RETREG1: variants seen among roughly 807,000 people sequenced by gnomAD.
RETREG1 encodes the protein reticulophagy regulator 1.
RETREG1 carries 44 observed loss-of-function variants against 54.8 expected under a neutral mutation model. That is an observed-to-expected ratio of 0.80 (90% CI 0.63 to 1.03). The LOEUF (loss-of-function observed/expected upper bound fraction) is 1.03. Ranked by LOEUF, RETREG1 falls within the 50% of genes least tolerant of loss-of-function variation. The pLI, the probability that RETREG1 is intolerant of heterozygous loss-of-function variation, is 0.00. For missense variants in RETREG1, 554 were observed against 605.1 expected, an observed-to-expected ratio of 0.92 and a Z score of 0.89; for synonymous variants, 217 against 238.5, an observed-to-expected ratio of 0.91 and a Z score of 0.83.
intron 1 of RETREG1, among the ~76,000 whole-genome samples, chr5:16,583,428 C>T (rs958203149): frequency 1.3e-5 from 2 of 151,982 alleles, no homozygotes; most frequent in African/African-American, 4.8e-5. Flanking sequence ...TGGAGCTGGA[C>T]GTTGCAGTGA....
intron 3 of RETREG1, among the ~76,000 whole-genome samples, chr5:16,542,879 C>T (rs914767868): frequency 5.3e-5 from 8 of 152,172 alleles, no homozygotes; most frequent in African/African-American, 1.4e-4. Flanking sequence ...TAAGTTTTAA[C>T]GTTTGATAAC....
chr5:16,535,697 C>T, intron 3 of RETREG1, among the ~76,000 whole-genome samples: 4 of 118,742 alleles, frequency 3.4e-5, no homozygotes, highest in African/African-American at 1.5e-4. Context: ...GTGCACGCTG[C>T]CTTCACAAAG....
intron 2 of RETREG1, among the ~76,000 whole-genome samples, chr5:16,568,860 C>T (rs1371958451): frequency 1.3e-5 from 2 of 152,102 alleles, no homozygotes; most frequent in Non-Finnish European, 2.9e-5. Context: ...GGGAAGGATA[C>T]AATTAAACTC....
intron 3 of RETREG1, among the ~76,000 whole-genome samples, chr5:16,557,501 C>CT (rs1362098662): frequency 1.3e-5 from 2 of 152,184 alleles, no homozygotes; most frequent in South Asian, 4.1e-4. Flanking sequence ...CTTGGAGAAA[C>CT]TTTCAGACCA....
At chr5:16,612,898 C>G (rs1275317571) in intron 1 of RETREG1, among the ~76,000 whole-genome samples, 1 of 152,078 alleles carries the variant, frequency 6.6e-6, no homozygotes, top group Non-Finnish European at 1.5e-5. Context: ...CTGTTCAGTT[C>G]CTGCACCATT....
intron 2 of RETREG1, among the ~76,000 whole-genome samples, chr5:16,569,003 T>A (rs1742099379): frequency 6.6e-6 from 1 of 152,142 alleles, no homozygotes; most frequent in African/African-American, 2.4e-5. Context: ...CCGGGGCATC[T>A]AACAAGAGCA....
chr5:16,613,911 G>GA lies in RETREG1; in HGVS notation c.320+2740dup, dbSNP rs201821682. Reference sequence around the variant, plus strand: ...AACCCCCAGAGCAACAAATAAAAGGGAAAAAAAAACAAAATTTTAATGACA... The same window carrying GA: ...AACCCCCAGAGCAACAAATAAAAGGGAAAAAAAAAACAAAATTTTAATGACA... On this transcript the variant is annotated intron_variant, in intron 1 of 8. Transcript: ENST00000306320. Among the ~76,000 whole-genome samples, 1,085 of 146,466 alleles carry GA rather than the reference G, an allele frequency of 7.4e-3. 10 individuals carry two copies. Among genetic ancestry groups the GA allele is most frequent in the Middle Eastern group, 0.021 (6 of 280 alleles).
chr5:16,599,133 G>A (rs545756016), intron 1 of RETREG1, among the ~76,000 whole-genome samples: 15 of 152,280 alleles, frequency 9.9e-5, no homozygotes, highest in South Asian at 4.1e-4. Context: ...GCTTGAGCCC[G>A]GAAGTGGAGG....
At chr5:16,589,020 C>T (rs900394666) in intron 1 of RETREG1, among the ~76,000 whole-genome samples, 34 of 152,300 alleles carry the variant, frequency 2.2e-4, no homozygotes, top group African/African-American at 6.3e-4. Flanking sequence ...CGGGTCACTC[C>T]GTGCATGCAC....
intron 3 of RETREG1, among the ~76,000 whole-genome samples, chr5:16,515,304 A>T (rs1416913751): frequency 2.0e-5 from 3 of 152,164 alleles, no homozygotes; most frequent in Non-Finnish European, 4.4e-5. Context: ...CCTTTCTGAA[A>T]CTTGCTCCTC....
intron 3 of RETREG1, among the ~76,000 whole-genome samples, chr5:16,527,385 CT>C (rs1456381527): frequency 6.6e-6 from 1 of 152,200 alleles, no homozygotes; most frequent in Non-Finnish European, 1.5e-5. Context: ...TTTTCCTTCA[CT>C]TTACCTAAAG....
At chr5:16,499,599 G>A (rs1488043909) in intron 3 of RETREG1, among the ~76,000 whole-genome samples, 1 of 152,242 alleles carries the variant, frequency 6.6e-6, no homozygotes, top group East Asian at 1.9e-4. Flanking sequence ...CTTCGAGTCA[G>A]AGTAATATTT....
chr5:16,552,757 A>G (rs1741579281), intron 3 of RETREG1, among the ~76,000 whole-genome samples: 1 of 152,220 alleles, frequency 6.6e-6, no homozygotes, highest in Non-Finnish European at 1.5e-5. Flanking sequence ...CAGGTATAGA[A>G]GTCACCTTTC....
chr5:16,520,817 G>A (rs1232284044), intron 3 of RETREG1, among the ~76,000 whole-genome samples: 1 of 152,162 alleles, frequency 6.6e-6, no homozygotes, highest in African/African-American at 2.4e-5. Flanking sequence ...GCCCCTCACT[G>A]GTGGCTTCAC....
At chr5:16,592,300 A>AAGCTCAGTATT (rs1393683662) in intron 1 of RETREG1, among the ~76,000 whole-genome samples, 1 of 152,254 alleles carries the variant, frequency 6.6e-6, no homozygotes, top group African/African-American at 2.4e-5. Context: ...GTATGAAAAA[A>AAGCTCAGTATT]AGCTCAGTAT....
chr5:16,521,772 C>T (rs1740540979), intron 3 of RETREG1, among the ~76,000 whole-genome samples: 1 of 152,230 alleles, frequency 6.6e-6, no homozygotes, highest in Non-Finnish European at 1.5e-5. Flanking sequence ...TTGCACTCTG[C>T]TGATGTCAGG....
At chr5:16,526,514 TAGTCAGGAGTGAAACTGGCATATTCCAGA>T (rs1740720843) in intron 3 of RETREG1, among the ~76,000 whole-genome samples, 1 of 152,120 alleles carries the variant, frequency 6.6e-6, no homozygotes, top group South Asian at 2.1e-4. Flanking sequence ...TAAAGACCCT[TAGTCAGGAGTGAAACTGGCATATTCCAGA>T]AGTAGGGTCT....
intron 3 of RETREG1, among the ~76,000 whole-genome samples, chr5:16,551,296 T>C (rs934541634): frequency 1.5e-5 from 2 of 129,846 alleles, no homozygotes; most frequent in African/African-American, 5.0e-5. Flanking sequence ...TCCACACATA[T>C]AAACAAAAAA....
chr5:16,537,820 T>C (rs1741123321), intron 3 of RETREG1, among the ~76,000 whole-genome samples: 1 of 152,066 alleles, frequency 6.6e-6, no homozygotes, highest in Admixed American at 6.5e-5. Context: ...GACGCAGTGC[T>C]CTTCACCCAC....
Sources: gnomAD v4.1 joint callset for allele counts (sites outside exome capture counted in the v4.1 genomes callset) on GRCh38, gnomAD v4.1.1 for gene constraint, MANE v1.5 for transcripts, NCBI Gene and HGNC (gene_info 2026-07-23, HGNC 2026-07-21) for gene names.